The following SGTB variants were observed in gnomAD, a reference collection of about 807,000 sequenced individuals.
SGTB encodes small glutamine rich tetratricopeptide repeat co-chaperone beta, also known as small glutamine-rich tetratricopeptide repeat-containing protein beta.
Under a neutral mutation model 43.9 loss-of-function variants are expected in SGTB, and 19 were observed. The ratio of observed to expected loss-of-function variants is 0.43; its 90% CI spans 0.30 to 0.63. The LOEUF (loss-of-function observed/expected upper bound fraction) is 0.63. Ranked by LOEUF, SGTB falls within the 30% of genes least tolerant of loss-of-function variation. The pLI is 0.12. For synonymous variants in SGTB, 116 were observed against 117.3 expected, an observed-to-expected ratio of 0.99 and a Z score of 0.07; for missense variants, 304 against 358.9, an observed-to-expected ratio of 0.85 and a Z score of 1.24.
In SGTB at chr5:65,670,144, T is replaced by G; in HGVS notation, c.*102A>C. The G allele has an allele frequency of 1.1e-6, 1 of 879,148 alleles. No homozygotes were observed. Among genetic ancestry groups the G allele is most frequent in the Non-Finnish European group, 1.8e-6 (1 of 553,444 alleles). 54.5% of individuals were successfully genotyped at this position (879,148 alleles called of 1,614,324 possible). ...CTCCATTATTTTCACACATCAGATA[T>G]GGTGTTTGGTTTTTTGAAGGAGGGA... On this transcript the variant is annotated 3_prime_UTR_variant, in exon 11 of 11. Coordinates refer to ENST00000381007, the MANE Select transcript of SGTB (RefSeq NM_019072.3).
Position 65,678,327 on chromosome 5 carries a change from A to T in SGTB, c.681+2167T>A, listed in dbSNP as rs182297766. Among the ~76,000 whole-genome samples the T allele has an allele frequency of 2.0e-4, 31 of 152,344 alleles. No individual in the cohort carries two copies. The East Asian group carries it at 4.8e-3, about 24-fold the overall frequency. On this transcript the variant is annotated intron_variant, in intron 8 of 10. Coordinates refer to ENST00000381007, the MANE Select transcript of SGTB (RefSeq NM_019072.3). Reference sequence around the variant, plus strand: ...AACTCTTCAAGGAGAACTACAAACCACTGCTCAAGGAAATAAGAGAGAACA... The same window carrying T: ...AACTCTTCAAGGAGAACTACAAACCTCTGCTCAAGGAAATAAGAGAGAACA...
intron 2 of SGTB, among the ~76,000 whole-genome samples, chr5:65,717,760 T>C (rs1371528680): frequency 1.3e-5 from 2 of 152,124 alleles, no homozygotes; most frequent in African/African-American, 4.8e-5. Context: ...CCTGACAGCA[T>C]TAAAGGTCTA....
Position 65,685,442 on chromosome 5 carries a change from G to A in SGTB, c.405C>T (p.Tyr135=), listed in dbSNP as rs1446420015. ...RAAAQSKLGH[Y]TDAIKDCEKA... is the part of the protein sequence containing the mutation. ...TTTCACAATCCTTTATCGCATCTGTGTAGTGACCTAATTTGCTCTGAGCAG... is the reference window on the plus strand; with the variant it reads ...TTTCACAATCCTTTATCGCATCTGTATAGTGACCTAATTTGCTCTGAGCAG... Residue 135 remains tyrosine (Y), a synonymous_variant, in exon 6 of 11, where the codon TAC becomes TAT. Transcript: ENST00000381007. 5 of 1,613,992 alleles carry A rather than the reference G, an allele frequency of 3.1e-6. No homozygotes were observed. The highest frequency in any genetic ancestry group is 4.2e-6 in the Non-Finnish European group (5 of 1,180,020).
chr5:65,702,551 G>A (rs1227686955), intron 5 of SGTB, among the ~76,000 whole-genome samples: 1 of 152,010 alleles, frequency 6.6e-6, no homozygotes, highest in Non-Finnish European at 1.5e-5. Flanking sequence ...AGAAGTCTGG[G>A]GTCAAACAAG....
At chr5:65,684,085 ATT>A (rs1218925954) in intron 6 of SGTB, among the ~76,000 whole-genome samples, 1 of 151,178 alleles carries the variant, frequency 6.6e-6, no homozygotes, top group East Asian at 1.9e-4. Context: ...CCAACTAATG[ATT>A]TTTTTTCTTT....
intron 8 of SGTB, among the ~76,000 whole-genome samples, chr5:65,678,981 A>C (rs543288335): frequency 1.3e-5 from 2 of 152,312 alleles, no homozygotes; most frequent in East Asian, 3.9e-4. Flanking sequence ...CAAAAGAAAA[A>C]ATTGACAAAT....
At chr5:65,713,701 G>T (rs1758091488) in intron 2 of SGTB, among the ~76,000 whole-genome samples, 1 of 152,066 alleles carries the variant, frequency 6.6e-6, no homozygotes, top group African/African-American at 2.4e-5. Flanking sequence ...TCATATTCTT[G>T]TTGAAGGCTA....
At chr5:65,706,782 A>T (rs1197557544) in intron 4 of SGTB, among the ~76,000 whole-genome samples, 1 of 152,020 alleles carries the variant, frequency 6.6e-6, no homozygotes, top group Non-Finnish European at 1.5e-5. Flanking sequence ...CAGTGAGCCA[A>T]GATTGCACCA....
At chr5:65,672,041 C>T (rs1375762423) in intron 9 of SGTB, 43 bp from the exon 10 acceptor site, 7 of 1,605,446 alleles carry the variant, frequency 4.4e-6, no homozygotes, top group Non-Finnish European at 8.5e-7. Flanking sequence ...GGTATATATT[C>T]TTAACAAATA....
rs942964317 is a variant in SGTB, at chr5:65,680,657, G to A, written c.617C>T (p.Pro206Leu). 2 of 1,613,810 alleles carry A rather than the reference G, an allele frequency of 1.2e-6. No homozygotes were observed. The highest frequency in any genetic ancestry group is 1.7e-6 in the Non-Finnish European group (2 of 1,179,978). The change falls in exon 7 of 11, where the codon CCT becomes CTT. Residue 206 changes from proline to leucine, a missense_variant and splice_region_variant. By Grantham distance (98) the Pro-to-Leu change is moderately conservative. Coordinates refer to ENST00000381007, the MANE Select transcript of SGTB (RefSeq NM_019072.3). ...AEQKLREVSS[P>L]TGTGLSFDMA... is the part of the protein sequence containing the mutation. The stretch of plus-strand genomic sequence containing the variant: ...ACTCATTTGGCATTAACAACTTACA[G>A]GACTGGATACCTCTCTTAACTTCTG...
In SGTB at chr5:65,690,939, C is replaced by T. The variant is rs1757594631; in HGVS notation, c.375-5467G>A. The stretch of plus-strand genomic sequence containing the variant: ...CTCAGTATATATGCTTAGTGAGATG[C>T]ATTCAAAGACAAATGAAAAACTGCA... On this transcript the variant is annotated intron_variant, in intron 5 of 10. Transcript: ENST00000381007. 2.0e-5 allele frequency among the ~76,000 whole-genome samples: 3 copies of T among 152,176 alleles called. No homozygotes were observed. In the South Asian group the frequency reaches 6.2e-4, roughly 31 times the overall value.
chr5:65,721,248 T>C (rs896935484), intron 1 of SGTB, among the ~76,000 whole-genome samples: 1 of 152,246 alleles, frequency 6.6e-6, no homozygotes, highest in African/African-American at 2.4e-5. Flanking sequence ...AAAAAAGTAT[T>C]AATAATGTAC....
intron 8 of SGTB, among the ~76,000 whole-genome samples, chr5:65,675,802 C>T (rs1581245183): frequency 6.6e-6 from 1 of 152,250 alleles, no homozygotes; most frequent in Middle Eastern, 3.4e-3. Flanking sequence ...CGAGGGAATT[C>T]ATTACTACCA....
At chr5:65,699,602 G>C (rs1043187889) in intron 5 of SGTB, among the ~76,000 whole-genome samples, 2 of 152,160 alleles carry the variant, frequency 1.3e-5, no homozygotes, top group Non-Finnish European at 2.9e-5. Context: ...CTCTATTATA[G>C]TTCCAGTAGT....
chr5:65,673,987 A>C (rs918095821), intron 8 of SGTB, among the ~76,000 whole-genome samples: 3 of 152,164 alleles, frequency 2.0e-5, no homozygotes, highest in African/African-American at 4.8e-5. Context: ...TAGTACTTCC[A>C]GTCCTCTTCC....
At chr5:65,703,242 C>A (rs765734379) in intron 5 of SGTB, among the ~76,000 whole-genome samples, 2 of 152,068 alleles carry the variant, frequency 1.3e-5, no homozygotes, top group Non-Finnish European at 2.9e-5. Context: ...CAAAAATAAC[C>A]CTTGCTGAGT....
intron 3 of SGTB, among the ~76,000 whole-genome samples, chr5:65,712,679 A>G (rs553848291): frequency 6.6e-6 from 1 of 152,212 alleles, no homozygotes; most frequent in South Asian, 2.1e-4. Context: ...ATGACATTCA[A>G]GAAAAAAAAT....
At chr5:65,678,329 T>C (rs1757322157) in intron 8 of SGTB, among the ~76,000 whole-genome samples, 1 of 152,092 alleles carries the variant, frequency 6.6e-6, no homozygotes, top group Non-Finnish European at 1.5e-5. Context: ...TACAAACCAC[T>C]GCTCAAGGAA....
In SGTB at chr5:65,720,697, C is replaced by A. The variant is rs775125001; in HGVS notation, c.100+11G>T. ...TTATAATATAAATGAACACAAAGAG[C>A]AGATGCATACCTTCCAAACTTTCTT... On this transcript the variant is annotated intron_variant, in intron 2 of 10. Coordinates refer to ENST00000381007, the MANE Select transcript of SGTB (RefSeq NM_019072.3). 1.2e-6 allele frequency: 2 copies of A among 1,606,672 alleles called. No individual in the cohort carries two copies. Among genetic ancestry groups the A allele is most frequent in the South Asian group, 1.1e-5 (1 of 88,950 alleles).
Sources: gnomAD v4.1 joint callset for allele counts (sites outside exome capture counted in the v4.1 genomes callset) on GRCh38, gnomAD v4.1.1 for gene constraint, MANE v1.5 for transcripts, NCBI Gene and HGNC (gene_info 2026-07-23, HGNC 2026-07-21) for gene names.